Variants in ALDH6A1 observed in about 807,000 individuals in gnomAD.
ALDH6A1 encodes the protein aldehyde dehydrogenase 6 family member A1, also known as methylmalonate-semialdehyde/malonate-semialdehyde dehydrogenase [acylating], mitochondrial.
Under a neutral mutation model 62.6 loss-of-function variants are expected in ALDH6A1, and 43 were observed. That is an observed-to-expected ratio of 0.69 (90% CI 0.54 to 0.89). ALDH6A1 has a LOEUF of 0.89. Ranked by LOEUF, ALDH6A1 falls within the 40% of genes least tolerant of loss-of-function variation. ALDH6A1 has a pLI of 0.00. For synonymous variants in ALDH6A1, 194 were observed against 234.2 expected (o/e 0.83, Z 1.57); for missense variants, 551 against 661.3 (o/e 0.83, Z 1.83).
chr14:74,066,917 C>T, intron 8 of ALDH6A1, 31 bp from the exon 9 acceptor site: 4 of 1,594,604 alleles, frequency 2.5e-6, no homozygotes, highest in Non-Finnish European at 3.4e-6. Flanking sequence ...ATTTAAGGTC[C>T]TCATTAACAT....
chr14:74,083,921 A>G (rs576322287), intron 1 of ALDH6A1, among the ~76,000 whole-genome samples: 2 of 152,238 alleles, frequency 1.3e-5, no homozygotes, highest in African/African-American at 4.8e-5. Flanking sequence ...GGGGGAAGGG[A>G]GCAATGGCAA....
intron 1 of ALDH6A1, among the ~76,000 whole-genome samples, chr14:74,083,543 T>C (rs895844366): frequency 6.6e-6 from 1 of 152,184 alleles, no homozygotes; most frequent in Non-Finnish European, 1.5e-5. Context: ...TTAGACTTCT[T>C]GTCTTACCTG....
At position 74,071,401 on chromosome 14, in the gene ALDH6A1, G is replaced by A. The variant is rs2139790068; in HGVS notation, c.524C>T (p.Pro175Leu). The stretch of plus-strand genomic sequence containing the variant: ...AGCAATGCCTGCACACACTCCCAGA[G>A]GCAGACGGTAGGAATAAAGGTCCAT... The part of the protein sequence containing the change: ...KDMDLYSYRL[P>L]LGVCAGIAPF... The change falls in exon 6 of 12, where the codon CCT becomes CTT. Residue 175 changes from proline to leucine, a missense_variant. Transcript: ENST00000553458. 2 of 1,614,180 alleles carry A rather than the reference G, an allele frequency of 1.2e-6. No homozygotes were observed. The highest frequency in any genetic ancestry group is 2.2e-5 in the East Asian group (1 of 44,886).
In ALDH6A1 at chr14:74,071,475, A is replaced by G. The variant is rs750980792; in HGVS notation, c.450T>C (p.Ser150=). 2 of 1,614,064 alleles carry G rather than the reference A, an allele frequency of 1.2e-6. No homozygotes were observed. The highest frequency in any genetic ancestry group is 1.7e-5 in the Admixed American group (1 of 60,010). Residue 150 remains serine, a synonymous_variant, in exon 6 of 12, where the codon AGT becomes AGC. Transcript: ENST00000553458. ...TCTCTCCCATCATGAGGGATGTCACACTACAGGCATGCTCAACCACCTCTG... is the reference window on the plus strand; with the variant it reads ...TCTCTCCCATCATGAGGGATGTCACGCTACAGGCATGCTCAACCACCTCTG... The part of the protein sequence containing the change: ...RGLQVVEHAC[S]VTSLMMGETM...
At chr14:74,071,533 CT>C (rs2060548801) in intron 5 of ALDH6A1, 36 bp from the exon 6 acceptor site, 1 of 1,612,910 alleles carries the variant, frequency 6.2e-7, no homozygotes. Context: ...GCTCTCCACA[CT>C]GTGTACTAGT....
Position 74,059,084 on chromosome 14 carries a change from C to CA in ALDH6A1, c.*1557dup, listed in dbSNP as rs35760969. ...GGGCAACAAGAGTGAAACTCCATCT[C>CA]AAAAAAAAAAAAAAAAAAAAAAGCG... On this transcript the variant is annotated 3_prime_UTR_variant, in exon 12 of 12. Transcript: ENST00000553458. The CA allele has an allele frequency of 0.052, 2,568 of 49,084 alleles. 98 individuals are homozygous for CA. Among genetic ancestry groups the CA allele is most frequent in the African/African-American group, 0.12 (1,352 of 11,184 alleles). 3.0% of individuals were successfully genotyped at this position (49,084 alleles called of 1,614,324 possible). A position where few individuals can be genotyped will look rare whatever the true frequency, so the allele number is the denominator to read the frequency against.
rs1318743281 is a variant in ALDH6A1 at position 74,058,135 on chromosome 14, G to A, written c.*2507C>T. ...TAGGTCAGGAGATTGAGACCATCCT[G>A]GCTAACATGGTGAAACCCTGTCTCT... On this transcript the variant is annotated 3_prime_UTR_variant, in exon 12 of 12. Coordinates refer to ENST00000553458, the MANE Select transcript of ALDH6A1 (RefSeq NM_005589.4). The A allele has an allele frequency of 6.5e-6, 1 of 154,578 alleles. No homozygotes were observed. 9.6% of individuals were successfully genotyped at this position (154,578 alleles called of 1,614,324 possible). A position where few individuals can be genotyped will look rare whatever the true frequency, so the allele number is the denominator to read the frequency against.
In ALDH6A1 at chr14:74,084,368, T is replaced by TGCC. The variant is rs747653104; in HGVS notation, c.24_26dup (p.Ala9dup). The TGCC allele has an allele frequency of 5.0e-6, 8 of 1,612,968 alleles. No individual in the cohort carries two copies. The highest frequency in any genetic ancestry group is 4.0e-5 in the African/African-American group (3 of 75,056). On this transcript the variant is annotated inframe_insertion, in exon 1 of 12. Transcript: ENST00000553458. The stretch of plus-strand genomic sequence containing the variant: ...TCGCCTGCAGGATCCGGGCTCGCAC[T>TGCC]GCCGCCGCCGCCAATAGCGCCGCCA...
intron 1 of ALDH6A1, 93 bp from the exon 2 acceptor site, chr14:74,075,110 T>A: frequency 1.8e-6 from 2 of 1,118,408 alleles, no homozygotes; most frequent in Non-Finnish European, 2.7e-6. Flanking sequence ...TGCTATAGTA[T>A]ATAGGGGGTA....
Position 74,071,900 on chromosome 14 carries a change from G to T in ALDH6A1, c.423C>A (p.Gly141=). Reference sequence around the variant, plus strand: ...CATAAGGGGCTCCCAGCTTACGAAGGCCTCGAAATACATCTCCTTCAGCAT... The same window carrying T: ...CATAAGGGGCTCCCAGCTTACGAAGTCCTCGAAATACATCTCCTTCAGCAT... The part of the protein sequence containing the change: ...LADAEGDVFR[G]LQVVEHACSV... The change falls in exon 5 of 12, where the codon GGC becomes GGA. Residue 141 remains glycine, a synonymous_variant. Transcript: ENST00000553458. 3.1e-6 allele frequency: 5 copies of T among 1,614,162 alleles called. No homozygotes were observed. In the South Asian group the frequency reaches 3.3e-5, roughly 11 times the overall value.
At chr14:74,067,309 C>T in intron 8 of ALDH6A1, 71 bp downstream of exon 8, 1 of 1,555,530 alleles carries the variant, frequency 6.4e-7, no homozygotes, top group Non-Finnish European at 8.8e-7. Flanking sequence ...CTGGCCAAGG[C>T]CAGTGACAGA....
chr14:74,067,200 A>G (rs1324926289), intron 8 of ALDH6A1, among the ~76,000 whole-genome samples, 180 bp downstream of exon 8: 4 of 152,154 alleles, frequency 2.6e-5, no homozygotes, highest in Admixed American at 6.6e-5. Flanking sequence ...GGTAACAGAC[A>G]GCCTGTGCTT....
intron 1 of ALDH6A1, among the ~76,000 whole-genome samples, chr14:74,080,561 C>T (rs1477604976): frequency 6.6e-6 from 1 of 151,990 alleles, no homozygotes; most frequent in East Asian, 1.9e-4. Flanking sequence ...CCTCAGTCTC[C>T]CAAGTACCTA....
At chr14:74,065,632 A>T (rs2060449969) in intron 9 of ALDH6A1, 1 of 403,398 alleles carries the variant, frequency 2.5e-6, no homozygotes, top group African/African-American at 2.0e-5. Context: ...ATGACCCATC[A>T]TCAGCTGCCT....
At chr14:74,076,471 C>T (rs1364406544) in intron 1 of ALDH6A1, among the ~76,000 whole-genome samples, 2 of 152,128 alleles carry the variant, frequency 1.3e-5, no homozygotes, top group Non-Finnish European at 2.9e-5. Context: ...AAGCGATTCT[C>T]CTGCCTCAGC....
Position 74,057,849 on chromosome 14 carries a change from T to C in ALDH6A1, c.*2793A>G, listed in dbSNP as rs2060252661. 48 of 1,035,758 alleles carry C rather than the reference T, an allele frequency of 4.6e-5. No individual in the cohort carries two copies. Among genetic ancestry groups the C allele is most frequent in the Non-Finnish European group, 5.5e-5 (47 of 860,024 alleles). 64.2% of individuals were successfully genotyped at this position (1,035,758 alleles called of 1,614,324 possible). ...ATAAGAAACTCTGAGCAGCAAATAG[T>C]TGGCCAGATGAGTTGTTTCTAATTA... On this transcript the variant is annotated 3_prime_UTR_variant, in exon 12 of 12. Coordinates refer to ENST00000553458, the MANE Select transcript of ALDH6A1 (RefSeq NM_005589.4).
At chr14:74,073,683 G>A (rs931380071) in intron 2 of ALDH6A1, among the ~76,000 whole-genome samples, 1 of 152,000 alleles carries the variant, frequency 6.6e-6, no homozygotes, top group Non-Finnish European at 1.5e-5. Flanking sequence ...TTGGGAGGCC[G>A]AGGCAGGTGG....
In ALDH6A1 at chr14:74,056,876, A is replaced by C. The variant is rs1179868670; in HGVS notation, c.*3766T>G. On this transcript the variant is annotated 3_prime_UTR_variant, in exon 12 of 12. Coordinates refer to ENST00000553458, the MANE Select transcript of ALDH6A1 (RefSeq NM_005589.4). ...GGCATGAGGAGACACTGCCTCATTC[A>C]TTATCTTTGTTGACTTTTACCCACT... 1 of 1,502,856 alleles carries C rather than the reference A, an allele frequency of 6.7e-7. No homozygotes were observed. Among genetic ancestry groups the C allele is most frequent in the Non-Finnish European group, 9.2e-7 (1 of 1,081,546 alleles). The allele number at this position is 1,502,856 out of a possible 1,614,324, so 93.1% of individuals were successfully genotyped here.
chr14:74,061,037 G>C (rs927796981), intron 11 of ALDH6A1, among the ~76,000 whole-genome samples: 1 of 152,050 alleles, frequency 6.6e-6, no homozygotes, highest in Non-Finnish European at 1.5e-5. Context: ...GAGTGCAGTG[G>C]CATGATCTCA....
Sources: allele counts gnomAD v4.1 joint callset (sites outside exome capture counted in the v4.1 genomes callset), GRCh38; gene constraint gnomAD v4.1.1; transcripts MANE v1.5; gene names NCBI Gene and HGNC (gene_info 2026-07-23, HGNC 2026-07-21).